Variants in VTI1A observed in about 807,000 individuals in gnomAD.
VTI1A encodes the protein vesicle transport through interaction with t-SNAREs homolog 1A.
VTI1A carries 22 observed loss-of-function variants against 34.9 expected under a neutral mutation model. The observed-to-expected ratio is 0.63, with a 90% confidence interval of 0.45 to 0.90. The LOEUF (loss-of-function observed/expected upper bound fraction) is 0.90, where lower values mean the gene tolerates loss of function less well. Among genes scored for constraint, VTI1A ranks in the 40% least tolerant of loss-of-function variants. The pLI, the probability that VTI1A is intolerant of heterozygous loss-of-function variation, is 0.00. For synonymous variants in VTI1A, 87 were observed against 97.3 expected (o/e 0.89, Z 0.62); for missense variants, 268 against 275.6 (o/e 0.97, Z 0.20).
At chr10:112,483,385 G>A (rs1005434897) in intron 3 of VTI1A, among the ~76,000 whole-genome samples, 8 of 152,044 alleles carry the variant, frequency 5.3e-5, no homozygotes, top group African/African-American at 1.7e-4. Flanking sequence ...TGTAGTCCAT[G>A]GCATAAACTC....
At chr10:112,601,409 G>A (rs1844870677) in intron 5 of VTI1A, among the ~76,000 whole-genome samples, 2 of 145,582 alleles carry the variant, frequency 1.4e-5, no homozygotes, top group Admixed American at 1.4e-4. Flanking sequence ...CTAAAATTCT[G>A]ACTCATCAAT....
intron 5 of VTI1A, among the ~76,000 whole-genome samples, chr10:112,551,243 CAAAAAAAAAAAA>C (rs1161935841): frequency 1.8e-4 from 4 of 22,074 alleles, no homozygotes. Flanking sequence ...TACTCCATCT[CAAAAAAAAAAAA>C]AAAAAAAAAA....
At chr10:112,551,839 A>G (rs867436674) in intron 5 of VTI1A, among the ~76,000 whole-genome samples, 56 of 152,312 alleles carry the variant, frequency 3.7e-4, no homozygotes, top group Middle Eastern at 6.8e-3. Flanking sequence ...GGGCAAATAC[A>G]TGGCTTATGA....
chr10:112,606,008 GTTTTCTTT>G (rs200165759), intron 5 of VTI1A, among the ~76,000 whole-genome samples: 13,263 of 145,674 alleles, frequency 0.091, 627 homozygotes, highest in Non-Finnish European at 0.11. Flanking sequence ...TTGTGTGCTA[GTTTTCTTT>G]TTTTCTTTTT....
At chr10:112,447,136 G>A, upstream of VTI1A, 3 of 524,792 alleles carry the variant, frequency 5.7e-6, no homozygotes, top group Non-Finnish European at 6.9e-6. Flanking sequence ...CTTTTCCTTT[G>A]CGAACTTACT....
chr10:112,709,665 A>C (rs1439540373), intron 7 of VTI1A, among the ~76,000 whole-genome samples: 1 of 145,626 alleles, frequency 6.9e-6, no homozygotes, highest in Non-Finnish European at 1.5e-5. Flanking sequence ...CTCCCCAACA[A>C]GAGGCACTCT....
At chr10:112,851,913 C>T in the VTI1A span, among the ~76,000 whole-genome samples, 4 of 152,124 alleles carry the variant, frequency 2.6e-5, no homozygotes, top group Non-Finnish European at 4.4e-5. Context: ...TATTTAATAT[C>T]CCACCATGTT....
intron 7 of VTI1A, among the ~76,000 whole-genome samples, chr10:112,688,276 A>G (rs775365646): frequency 2.6e-5 from 4 of 151,612 alleles, no homozygotes; most frequent in Non-Finnish European, 5.9e-5. Context: ...TCTCATTTTT[A>G]TTACACAAAT....
intron 3 of VTI1A, among the ~76,000 whole-genome samples, chr10:112,477,933 A>G (rs1446850049): frequency 6.6e-6 from 1 of 152,162 alleles, no homozygotes; most frequent in African/African-American, 2.4e-5. Flanking sequence ...ATGGAAATGT[A>G]ATTTTTAAAG....
intron 7 of VTI1A, among the ~76,000 whole-genome samples, chr10:112,727,419 C>A (rs573431450): frequency 7.7e-6 from 1 of 130,560 alleles, no homozygotes; most frequent in Non-Finnish European, 1.5e-5. Flanking sequence ...TAATGATACC[C>A]TGCAGGGAAA....
At chr10:112,777,438 C>T (rs141730579) in intron 7 of VTI1A, among the ~76,000 whole-genome samples, 28 of 152,318 alleles carry the variant, frequency 1.8e-4, no homozygotes, top group African/African-American at 6.7e-4. Flanking sequence ...AGGATGGAGA[C>T]AGCCACGGAG....
intron 4 of VTI1A, among the ~76,000 whole-genome samples, chr10:112,531,974 A>G (rs1447485028): frequency 6.6e-6 from 1 of 152,158 alleles, no homozygotes; most frequent in African/African-American, 2.4e-5. Flanking sequence ...ATGGTTGCTG[A>G]GTGTGTTAAT....
chr10:112,712,474 T>TCACACA (rs60129148), intron 7 of VTI1A, among the ~76,000 whole-genome samples: 3,038 of 143,448 alleles, frequency 0.021, 35 homozygotes, highest in East Asian at 0.045. Flanking sequence ...TCAACTATTA[T>TCACACA]CACACACACA....
intron 3 of VTI1A, among the ~76,000 whole-genome samples, chr10:112,474,017 T>C (rs1256683884): frequency 6.6e-6 from 1 of 152,184 alleles, no homozygotes; most frequent in Non-Finnish European, 1.5e-5. Flanking sequence ...TAACATTTCT[T>C]AATCAGAAGC....
intron 7 of VTI1A, among the ~76,000 whole-genome samples, chr10:112,765,756 G>A (rs1259275726): frequency 6.6e-6 from 1 of 152,138 alleles, no homozygotes; most frequent in Non-Finnish European, 1.5e-5. Context: ...TAAGTAAGTG[G>A]TTCTCAAACT....
intron 7 of VTI1A, among the ~76,000 whole-genome samples, chr10:112,684,919 C>A (rs1375019913): frequency 1.3e-5 from 2 of 152,146 alleles, no homozygotes; most frequent in Non-Finnish European, 2.9e-5. Flanking sequence ...TATCTGTGTA[C>A]ATTGGGCTGG....
chr10:112,646,324 GA>G (rs1405992271), intron 5 of VTI1A, among the ~76,000 whole-genome samples: 1 of 152,072 alleles, frequency 6.6e-6, no homozygotes, highest in Non-Finnish European at 1.5e-5. Context: ...TCTAAGATTT[GA>G]AAAGAAATGT....
the VTI1A span, among the ~76,000 whole-genome samples, chr10:112,851,608 A>G: frequency 2.0e-5 from 3 of 152,238 alleles, no homozygotes; most frequent in Non-Finnish European, 4.4e-5. Context: ...CACACCCAGC[A>G]AAGTCCACCC....
At chr10:112,777,020 TA>T (rs1851973109) in intron 7 of VTI1A, among the ~76,000 whole-genome samples, 1 of 152,178 alleles carries the variant, frequency 6.6e-6, no homozygotes, top group Admixed American at 6.6e-5. Flanking sequence ...GAGGCTTGCT[TA>T]GTAAGAGAAA....
Sources: gnomAD v4.1 joint callset for allele counts (sites outside exome capture counted in the v4.1 genomes callset) on GRCh38, gnomAD v4.1.1 for gene constraint, MANE v1.5 for transcripts, NCBI Gene and HGNC (gene_info 2026-07-23, HGNC 2026-07-21) for gene names.